Variants in PLCL2 observed in about 807,000 individuals in gnomAD.
PLCL2 encodes phospholipase C like 2.
PLCL2 carries 4 observed loss-of-function variants against 79.6 expected under a neutral mutation model. The observed-to-expected ratio is 0.05, with a 90% CI of 0.02 to 0.11. The LOEUF (loss-of-function observed/expected upper bound fraction) is 0.11, where lower values mean the gene tolerates loss of function less well. Among genes scored for constraint, PLCL2 ranks in the 10% least tolerant of loss-of-function variants. The pLI is 1.00. For synonymous variants in PLCL2, 484 were observed against 457.7 expected (o/e 1.06, Z -0.73); for missense variants, 895 against 1,291.0 (o/e 0.69, Z 4.70).
At chr3:17,012,493 C>T (rs73153248) in intron 2 of PLCL2, among the ~76,000 whole-genome samples, 19,319 of 152,002 alleles carry the variant, frequency 0.13, 1,418 homozygotes, top group African/African-American at 0.19. Context: ...ATATTCCTTA[C>T]CTGGAACACA....
rs1166154943 is a variant in PLCL2, at chr3:16,983,995, T to C, written c.328-25679T>C. On this transcript the variant is annotated intron_variant, in intron 1 of 5. Transcript: ENST00000615277. ...GAAGACAATCAAAATATGAAAGATA[T>C]TTATTTTCAACCATTTAGGTAAATT... is the stretch of plus-strand genomic sequence containing the variant. Among the ~76,000 whole-genome samples, 4 of 152,242 alleles carry C rather than the reference T, an allele frequency of 2.6e-5. No individual in the cohort carries two copies. The East Asian group carries it at 7.7e-4, about 29-fold the overall frequency.
intron 1 of PLCL2, among the ~76,000 whole-genome samples, chr3:16,926,170 T>A (rs1697245239): frequency 6.6e-6 from 1 of 152,240 alleles, no homozygotes. Flanking sequence ...CAGAATTAAG[T>A]CTTTTGCTGA....
intron 4 of PLCL2, among the ~76,000 whole-genome samples, chr3:17,049,563 A>C (rs112891523): frequency 0.014 from 2,141 of 152,302 alleles, 61 homozygotes; most frequent in African/African-American, 0.049. Context: ...GAAATTTAAA[A>C]AGTAATCCCA....
intron 3 of PLCL2, among the ~76,000 whole-genome samples, chr3:17,015,412 C>T (rs1470333409): frequency 6.6e-6 from 1 of 152,126 alleles, no homozygotes; most frequent in East Asian, 1.9e-4. Context: ...TTGTAATGAG[C>T]TTAACACTAA....
chr3:17,067,092 A>G lies in PLCL2; in HGVS notation c.3095-864A>G, dbSNP rs1389680026. Among the ~76,000 whole-genome samples the G allele has an allele frequency of 2.0e-5, 3 of 152,320 alleles. No individual in the cohort carries two copies. In the East Asian group the frequency reaches 5.8e-4, roughly 29 times the overall value. On this transcript the variant is annotated intron_variant, in intron 4 of 5. Transcript: ENST00000615277. Reference sequence around the variant, plus strand: ...ATGAGAAAAAAGAAACACATGACCTAATTGTACATTGTGAGTAGCATAACC... The same window carrying G: ...ATGAGAAAAAAGAAACACATGACCTGATTGTACATTGTGAGTAGCATAACC...
At chr3:17,005,778 G>A (rs2064254828) in intron 1 of PLCL2, among the ~76,000 whole-genome samples, 1 of 152,118 alleles carries the variant, frequency 6.6e-6, no homozygotes, top group Admixed American at 6.6e-5. Flanking sequence ...TGATATGGAG[G>A]TAGGTTCTTT....
chr3:17,005,574 G>A (rs1377338833), intron 1 of PLCL2, among the ~76,000 whole-genome samples: 4 of 152,144 alleles, frequency 2.6e-5, no homozygotes, highest in African/African-American at 7.2e-5. Context: ...CTAAATATGA[G>A]TCGTATAAAC....
At chr3:17,002,605 T>A (rs774543930) in intron 1 of PLCL2, among the ~76,000 whole-genome samples, 1 of 152,194 alleles carries the variant, frequency 6.6e-6, no homozygotes, top group Non-Finnish European at 1.5e-5. Flanking sequence ...TGTGTGTGTG[T>A]TTGATCCTGC....
At chr3:17,073,160 A>G (rs529618224) in intron 5 of PLCL2, among the ~76,000 whole-genome samples, 2 of 152,308 alleles carry the variant, frequency 1.3e-5, no homozygotes, top group Admixed American at 1.3e-4. Context: ...ACAAAATCCT[A>G]TGAGTTTTGA....
intron 4 of PLCL2, among the ~76,000 whole-genome samples, chr3:17,051,275 T>G (rs2064835885): frequency 6.6e-6 from 1 of 152,142 alleles, no homozygotes; most frequent in African/African-American, 2.4e-5. Flanking sequence ...ATTAATAATT[T>G]TATTGTACAT....
intron 5 of PLCL2, among the ~76,000 whole-genome samples, chr3:17,079,293 G>C (rs2065139345): frequency 6.6e-6 from 1 of 151,998 alleles, no homozygotes; most frequent in Non-Finnish European, 1.5e-5. Flanking sequence ...CCCACCTTCT[G>C]TGCTTAGGTC....
intron 4 of PLCL2, among the ~76,000 whole-genome samples, chr3:17,044,447 C>G (rs747644552): frequency 6.6e-6 from 1 of 152,128 alleles, no homozygotes; most frequent in Non-Finnish European, 1.5e-5. Flanking sequence ...ATTTATGTTA[C>G]CTAAAGCATT....
chr3:16,953,639 T>C (rs1304132377), intron 1 of PLCL2, among the ~76,000 whole-genome samples: 13 of 152,202 alleles, frequency 8.5e-5, no homozygotes, highest in Admixed American at 7.9e-4. Flanking sequence ...AGTGAACTAA[T>C]GCTGATTTCA....
intron 5 of PLCL2, among the ~76,000 whole-genome samples, chr3:17,079,856 A>G (rs1436173966): frequency 2.0e-5 from 3 of 152,224 alleles, no homozygotes; most frequent in Admixed American, 2.0e-4. Context: ...TGTGGCAGGC[A>G]AAGGGAGCCA....
chr3:17,067,663 T>C (rs527527560), intron 4 of PLCL2, among the ~76,000 whole-genome samples: 1 of 152,342 alleles, frequency 6.6e-6, no homozygotes, highest in Admixed American at 6.5e-5. Context: ...TTCCCATCTC[T>C]GAAGCTTGCT....
chr3:17,050,551 A>G (rs544556208), intron 4 of PLCL2, among the ~76,000 whole-genome samples: 4 of 152,346 alleles, frequency 2.6e-5, no homozygotes, highest in South Asian at 2.1e-4. Context: ...AAGGTGCTCA[A>G]TATCATTGAT....
intron 5 of PLCL2, among the ~76,000 whole-genome samples, chr3:17,079,399 C>T (rs1431883070): frequency 1.3e-5 from 2 of 152,242 alleles, no homozygotes; most frequent in Non-Finnish European, 2.9e-5. Flanking sequence ...CCAGACGAGG[C>T]CACTGTCCTA....
chr3:16,938,002 T>C (rs79112990), intron 1 of PLCL2, among the ~76,000 whole-genome samples: 3,184 of 152,340 alleles, frequency 0.021, 55 homozygotes, highest in South Asian at 0.043. Context: ...TGATGTTCCA[T>C]ATTAAAATAT....
chr3:16,899,452 A>G (rs1026919179), intron 1 of PLCL2, among the ~76,000 whole-genome samples: 10 of 152,286 alleles, frequency 6.6e-5, no homozygotes, highest in African/African-American at 1.9e-4. Flanking sequence ...AGAAGTTCAC[A>G]CCAGAGACCT....
Sources: allele counts gnomAD v4.1 joint callset (sites outside exome capture counted in the v4.1 genomes callset), GRCh38; gene constraint gnomAD v4.1.1; transcripts MANE v1.5; gene names NCBI Gene and HGNC (gene_info 2026-07-23, HGNC 2026-07-21).